Variants in HAPLN1 observed in about 807,000 individuals in gnomAD.
HAPLN1 encodes the protein Cartilage link protein.
A neutral mutation model predicts 36.5 loss-of-function variants in HAPLN1; 13 were observed. The observed-to-expected ratio is 0.36, with a 90% CI of 0.23 to 0.57. The LOEUF is 0.57. Among genes scored for constraint, HAPLN1 ranks in the 20% least tolerant of loss-of-function variants. The probability of loss-of-function intolerance (pLI) is 0.83; values close to 1 mark genes in which losing one functional copy is unlikely to be tolerated. For missense variants in HAPLN1, 407 were observed against 439.7 expected (o/e 0.93, Z 0.66); for synonymous variants, 202 against 169.8 (o/e 1.19, Z -1.48).
intron 3 of HAPLN1, among the ~76,000 whole-genome samples, chr5:83,651,327 A>G (rs1440419464): frequency 6.6e-6 from 1 of 152,146 alleles, no homozygotes; most frequent in East Asian, 1.9e-4. Context: ...AAATAGTTTC[A>G]ATTAATATTT....
At chr5:83,684,492 A>G (rs556023088) in intron 1 of HAPLN1, among the ~76,000 whole-genome samples, 5 of 152,238 alleles carry the variant, frequency 3.3e-5, no homozygotes, top group Non-Finnish European at 5.9e-5. Context: ...CTTGGCAGGC[A>G]CCTAACCCAG....
intron 2 of HAPLN1, among the ~76,000 whole-genome samples, chr5:83,656,913 A>G (rs1750233473): frequency 6.6e-6 from 1 of 152,314 alleles, no homozygotes; most frequent in Admixed American, 6.5e-5. Flanking sequence ...GAAGACTTTT[A>G]AACAATAGGA....
chr5:83,652,851 A>G, intron 2 of HAPLN1, 27 bp from the exon 3 acceptor site: 1 of 1,514,798 alleles, frequency 6.6e-7, no homozygotes, highest in Non-Finnish European at 8.9e-7. Flanking sequence ...AAAAAAAAAG[A>G]AAATAACTAT....
intron 2 of HAPLN1, among the ~76,000 whole-genome samples, chr5:83,661,546 G>C (rs563465817): frequency 7.2e-6 from 1 of 138,370 alleles, no homozygotes; most frequent in African/African-American, 2.7e-5. Flanking sequence ...CCGGGTTCAC[G>C]CCATTGTCCT....
intron 2 of HAPLN1, among the ~76,000 whole-genome samples, chr5:83,654,471 C>T (rs1397141725): frequency 6.6e-6 from 1 of 152,166 alleles, no homozygotes; most frequent in Non-Finnish European, 1.5e-5. Context: ...TCCACAATGC[C>T]TGCATCCAAC....
In HAPLN1 at chr5:83,652,618, T is replaced by A. The variant is rs1750100293; in HGVS notation, c.307A>T (p.Lys103Ter). 6.2e-7 allele frequency: 1 copy of A among 1,614,090 alleles called. No individual in the cohort carries two copies. The highest frequency in any genetic ancestry group is 1.3e-5 in the African/African-American group (1 of 74,948). Residue 103 changes from lysine (K) to a stop codon, truncating the protein, a stop_gained, in exon 3 of 5, where the codon AAA (lysine) becomes TAA (stop). Transcript: ENST00000274341. LOFTEE classifies it high-confidence loss of function. Reference sequence around the variant, plus strand: ...CTACCCTGGTAGCCTCCATAGGTTTTTTTGTGGTATCCCATGGAAACAAAA... The same window carrying A: ...CTACCCTGGTAGCCTCCATAGGTTTATTTGTGGTATCCCATGGAAACAAAA... ...DVFVSMGYHK[K>*]TYGGYQGRVF... is the part of the protein sequence containing the mutation.
chr5:83,673,360 G>A (rs1750776265), intron 2 of HAPLN1, 64 bp downstream of exon 2: 2 of 1,083,244 alleles, frequency 1.8e-6, no homozygotes, highest in Non-Finnish European at 1.4e-6. Flanking sequence ...CACTAGCCCA[G>A]CATCTCAACT....
rs1244638184 is a variant in HAPLN1, at chr5:83,641,268, T to C, written c.*228A>G. On this transcript the variant is annotated 3_prime_UTR_variant, in exon 5 of 5. Transcript: ENST00000274341. ...ACAGCTTAAACAGTTTGGCTCTAAG[T>C]CTCCTTACATAGAGCTTCCCTTAAA... 4.4e-6 allele frequency: 1 copy of C among 229,102 alleles called. No individual in the cohort carries two copies. The highest frequency in any genetic ancestry group is 8.2e-6 in the Non-Finnish European group (1 of 121,346). The allele number at this position is 229,102 out of a possible 1,614,324, so 14.2% of individuals were successfully genotyped here.
intron 1 of HAPLN1, among the ~76,000 whole-genome samples, chr5:83,711,503 A>G (rs1450427290): frequency 6.6e-6 from 1 of 152,222 alleles, no homozygotes; most frequent in Non-Finnish European, 1.5e-5. Context: ...GCTGGCAAGC[A>G]TGATGGACAA....
intron 2 of HAPLN1, among the ~76,000 whole-genome samples, chr5:83,664,703 T>G (rs1009635191): frequency 6.6e-6 from 1 of 152,152 alleles, no homozygotes; most frequent in Non-Finnish European, 1.5e-5. Context: ...TTATATTTAT[T>G]ATTTATATGT....
chr5:83,718,746 T>C (rs913401505), intron 1 of HAPLN1, among the ~76,000 whole-genome samples: 2 of 152,188 alleles, frequency 1.3e-5, no homozygotes, highest in African/African-American at 2.4e-5. Flanking sequence ...GCCTGGTATT[T>C]CGTCAGAATT....
At chr5:83,671,643 T>C (rs1750726498) in intron 2 of HAPLN1, among the ~76,000 whole-genome samples, 1 of 152,182 alleles carries the variant, frequency 6.6e-6, no homozygotes, top group Non-Finnish European at 1.5e-5. Flanking sequence ...TCAATCTGAA[T>C]GCTATCACAA....
intron 1 of HAPLN1, among the ~76,000 whole-genome samples, chr5:83,704,107 CAA>C (rs34709377): frequency 0.06 from 8,412 of 140,170 alleles, 311 homozygotes; most frequent in Non-Finnish European, 0.08. Context: ...GCAACAGTCT[CAA>C]AAAAAAAAAA....
chr5:83,714,688 C>A (rs945512507), intron 1 of HAPLN1, among the ~76,000 whole-genome samples: 1 of 152,178 alleles, frequency 6.6e-6, no homozygotes, highest in Non-Finnish European at 1.5e-5. Flanking sequence ...TTCATCTCCA[C>A]GACTTTGAGG....
At chr5:83,715,048 G>A (rs184192248) in intron 1 of HAPLN1, among the ~76,000 whole-genome samples, 1 of 152,310 alleles carries the variant, frequency 6.6e-6, no homozygotes, top group African/African-American at 2.4e-5. Flanking sequence ...AAGGAAACAG[G>A]CCTTGAGGGA....
Position 83,644,282 on chromosome 5 carries a change from TA to T in HAPLN1, c.775+80del, listed in dbSNP as rs56958621. 0.037 allele frequency: 40,572 copies of T among 1,088,948 alleles called. 7,668 individuals are homozygous for T. The African/African-American group carries it at 0.49, about 13-fold the overall frequency. The allele number at this position is 1,088,948 out of a possible 1,614,324, so 67.5% of individuals were successfully genotyped here. A position where few individuals can be genotyped will look rare whatever the true frequency, so the allele number is the denominator to read the frequency against. ...GTTTTTGTTTGTTTTTCTAAGAAGA[TA>T]AGATTAAAAGCCAAGTGTAGTGTTA... is the stretch of plus-strand genomic sequence containing the variant. On this transcript the variant is annotated intron_variant, in intron 4 of 4. Transcript: ENST00000274341.
At chr5:83,661,298 C>T (rs1750380491) in intron 2 of HAPLN1, among the ~76,000 whole-genome samples, 1 of 151,996 alleles carries the variant, frequency 6.6e-6, no homozygotes, top group South Asian at 2.1e-4. Flanking sequence ...CTGTCTGCCC[C>T]TTCCTCTATT....
chr5:83,646,791 T>C (rs1418208294), intron 3 of HAPLN1, among the ~76,000 whole-genome samples: 1 of 152,210 alleles, frequency 6.6e-6, no homozygotes, highest in Non-Finnish European at 1.5e-5. Flanking sequence ...GGGAAATAAC[T>C]ATTATGGTGC....
chr5:83,716,946 C>T (rs1370392664), intron 1 of HAPLN1, among the ~76,000 whole-genome samples: 1 of 152,090 alleles, frequency 6.6e-6, no homozygotes, highest in Non-Finnish European at 1.5e-5. Flanking sequence ...GCAGGGGAAT[C>T]GCTTGAACCT....
Sources: allele counts gnomAD v4.1 joint callset (sites outside exome capture counted in the v4.1 genomes callset), GRCh38; gene constraint gnomAD v4.1.1; transcripts MANE v1.5; gene names NCBI Gene and HGNC (gene_info 2026-07-23, HGNC 2026-07-21).